The following FARS2 variants were observed in gnomAD, a reference collection of about 807,000 sequenced individuals.
The protein encoded by FARS2 is phenylalanyl-tRNA synthetase 2, mitochondrial.
FARS2 carries 40 observed loss-of-function variants against 46.4 expected under a neutral mutation model. That is an observed-to-expected ratio of 0.86 (90% CI 0.67 to 1.12). The LOEUF (loss-of-function observed/expected upper bound fraction) is 1.12, where lower values mean the gene tolerates loss of function less well. Ranked by LOEUF, FARS2 falls within the 50% of genes most tolerant of loss-of-function variation. FARS2 has a pLI of 0.00. For synonymous variants in FARS2, 234 were observed against 214.9 expected, an observed-to-expected ratio of 1.09 and a Z score of -0.78; for missense variants, 513 against 567.9, an observed-to-expected ratio of 0.90 and a Z score of 0.98.
intron 5 of FARS2, among the ~76,000 whole-genome samples, chr6:5,577,085 A>G (rs1483677674): frequency 6.6e-6 from 1 of 152,184 alleles, no homozygotes; most frequent in African/African-American, 2.4e-5. Context: ...GAGACTGTAA[A>G]AAAACAATGA....
chr6:5,341,223 A>ATC (rs1771594369), intron 1 of FARS2, among the ~76,000 whole-genome samples: 6 of 5,294 alleles, frequency 1.1e-3, no homozygotes, highest in African/African-American at 3.4e-3. Context: ...ATATATATAT[A>ATC]TATATATATA....
intron 1 of FARS2, among the ~76,000 whole-genome samples, chr6:5,306,399 T>C (rs1007956662): frequency 6.6e-6 from 1 of 152,336 alleles, no homozygotes; most frequent in Admixed American, 6.5e-5. Flanking sequence ...GCCCTGGGAA[T>C]TGAATGATTT....
intron 1 of FARS2, among the ~76,000 whole-genome samples, chr6:5,341,213 ATATATATATATATATATATATATTTTTT>A (rs1466060328): frequency 5.0e-4 from 8 of 15,934 alleles, no homozygotes; most frequent in African/African-American, 2.8e-3. Context: ...ATATATATAT[ATATATATATATATATATATATATTTTTT>A]TTTTTTTTTT....
chr6:5,746,081 T>C (rs1448691812), intron 6 of FARS2, among the ~76,000 whole-genome samples: 1 of 152,176 alleles, frequency 6.6e-6, no homozygotes, highest in Non-Finnish European at 1.5e-5. Context: ...ATAAAAAATA[T>C]CTTCTAGTCC....
chr6:5,627,696 AACAG>A (rs1218835904), intron 6 of FARS2, among the ~76,000 whole-genome samples: 2 of 152,376 alleles, frequency 1.3e-5, no homozygotes, highest in Non-Finnish European at 2.9e-5. Context: ...TGGGATATAG[AACAG>A]AGTAAGTACT....
chr6:5,538,099 G>A (rs1328355633), intron 4 of FARS2, among the ~76,000 whole-genome samples: 2 of 144,832 alleles, frequency 1.4e-5, no homozygotes, highest in Non-Finnish European at 1.5e-5. Context: ...AGTGAGTTCT[G>A]TACTCTGGTG....
At chr6:5,592,012 C>T (rs1773945506) in intron 5 of FARS2, among the ~76,000 whole-genome samples, 1 of 152,150 alleles carries the variant, frequency 6.6e-6, no homozygotes, top group Admixed American at 6.6e-5. Flanking sequence ...TAAGATGGGT[C>T]GATTGATGCC....
At chr6:5,621,254 C>CTT (rs112686629) in intron 6 of FARS2, among the ~76,000 whole-genome samples, 2 of 142,592 alleles carry the variant, frequency 1.4e-5, no homozygotes, top group African/African-American at 2.6e-5. Flanking sequence ...ACTTGGCTAA[C>CTT]TTTTTTTTTT....
At chr6:5,410,880 A>G (rs1761906806) in intron 3 of FARS2, among the ~76,000 whole-genome samples, 1 of 152,184 alleles carries the variant, frequency 6.6e-6, no homozygotes, top group African/African-American at 2.4e-5. Flanking sequence ...AACCATCTCT[A>G]TGATATGGGT....
At chr6:5,760,867 C>G (rs1762443949) in intron 6 of FARS2, among the ~76,000 whole-genome samples, 1 of 152,236 alleles carries the variant, frequency 6.6e-6, no homozygotes, top group African/African-American at 2.4e-5. Context: ...CGCTCCTGGA[C>G]AGGGTGAACC....
At chr6:5,393,273 A>T (rs1400676860) in intron 2 of FARS2, among the ~76,000 whole-genome samples, 2 of 152,102 alleles carry the variant, frequency 1.3e-5, no homozygotes, top group Non-Finnish European at 2.9e-5. Context: ...ACAGATTTGG[A>T]TTCCATGTGT....
intron 5 of FARS2, among the ~76,000 whole-genome samples, chr6:5,546,460 C>T (rs990027827): frequency 1.8e-4 from 28 of 151,742 alleles, no homozygotes; most frequent in Middle Eastern, 6.8e-3. Flanking sequence ...CCATGTTGGC[C>T]AGGCTGGTCT....
rs138104253 is a variant in FARS2, at chr6:5,266,873, C to T, written c.-22+5213C>T. ...TTCTATTAACATCTCTTTGAAAAGA[C>T]GTAGTGCTTTTTTAGGTTGTCTATT... On this transcript the variant is annotated intron_variant, in intron 1 of 6. Coordinates refer to ENST00000274680, the MANE Select transcript of FARS2 (RefSeq NM_006567.5). Among the ~76,000 whole-genome samples the T allele has an allele frequency of 6.6e-5, 10 of 151,964 alleles. No individual in the cohort carries two copies. In the East Asian group the frequency reaches 1.2e-3, roughly 18 times the overall value.
At chr6:5,432,525 A>AT (rs1763281227) in intron 4 of FARS2, among the ~76,000 whole-genome samples, 1 of 42,318 alleles carries the variant, frequency 2.4e-5, no homozygotes, top group African/African-American at 1.9e-4. Context: ...TCATATATAT[A>AT]TATTTTTTTT....
intron 1 of FARS2, among the ~76,000 whole-genome samples, chr6:5,336,509 A>G (rs547368401): frequency 3.9e-5 from 6 of 152,182 alleles, no homozygotes; most frequent in African/African-American, 1.4e-4. Flanking sequence ...TTAATTTTTA[A>G]TTTTAAAAAT....
At chr6:5,446,960 T>C (rs898290621) in intron 4 of FARS2, among the ~76,000 whole-genome samples, 2 of 152,120 alleles carry the variant, frequency 1.3e-5, no homozygotes, top group Non-Finnish European at 2.9e-5. Flanking sequence ...GATTACACCA[T>C]GAAACATGTT....
intron 5 of FARS2, among the ~76,000 whole-genome samples, chr6:5,546,535 C>A (rs550890668): frequency 2.0e-5 from 3 of 151,838 alleles, no homozygotes; most frequent in Non-Finnish European, 4.4e-5. Flanking sequence ...CAGGAGTGAG[C>A]CACTGCGCCC....
intron 4 of FARS2, among the ~76,000 whole-genome samples, chr6:5,507,048 T>C (rs1768143783): frequency 6.6e-6 from 1 of 152,328 alleles, no homozygotes. Context: ...TTTTAGATCT[T>C]TCTAAAATCC....
At chr6:5,748,189 G>A (rs1761745645) in intron 6 of FARS2, among the ~76,000 whole-genome samples, 1 of 152,088 alleles carries the variant, frequency 6.6e-6, no homozygotes, top group Admixed American at 6.6e-5. Flanking sequence ...TCTGCTTCCT[G>A]AGGCTTGGGC....
Sources: gnomAD v4.1 joint callset for allele counts (sites outside exome capture counted in the v4.1 genomes callset) on GRCh38, gnomAD v4.1.1 for gene constraint, MANE v1.5 for transcripts, NCBI Gene and HGNC (gene_info 2026-07-23, HGNC 2026-07-21) for gene names.